TGFBR3: variants seen among roughly 807,000 people sequenced by gnomAD.
TGFBR3 encodes transforming growth factor beta receptor type 3.
Under a neutral mutation model 87.9 loss-of-function variants are expected in TGFBR3, and 46 were observed. The observed-to-expected ratio is 0.52, with a 90% CI of 0.41 to 0.67. The LOEUF is 0.67. TGFBR3 is among the 30% of genes least tolerant of loss of function. The pLI is 0.00. For synonymous variants in TGFBR3, 381 were observed against 391.6 expected (o/e 0.97, Z 0.32); for missense variants, 866 against 1,041.9 (o/e 0.83, Z 2.32).
intron 2 of TGFBR3, among the ~76,000 whole-genome samples, chr1:91,799,402 G>A (rs1330055253): frequency 5.9e-5 from 9 of 152,296 alleles, no homozygotes; most frequent in Admixed American, 5.2e-4. Flanking sequence ...AGCCCCTGGC[G>A]GGGTGCGGGG....
intron 2 of TGFBR3, among the ~76,000 whole-genome samples, chr1:91,801,263 C>T (rs941666712): frequency 1.3e-5 from 2 of 152,184 alleles, no homozygotes; most frequent in African/African-American, 4.8e-5. Context: ...TTGCCCCAGT[C>T]ACCCAAAGCT....
chr1:91,735,388 C>G (rs575055372), intron 4 of TGFBR3, among the ~76,000 whole-genome samples: 1 of 152,192 alleles, frequency 6.6e-6, no homozygotes, highest in Non-Finnish European at 1.5e-5. Flanking sequence ...CAACTGATCA[C>G]GACTTTCAGG....
chr1:91,756,494 T>A (rs543691317), intron 4 of TGFBR3, among the ~76,000 whole-genome samples: 1 of 120,022 alleles, frequency 8.3e-6, no homozygotes, highest in African/African-American at 3.2e-5. Flanking sequence ...TAGTTCTTCA[T>A]CTATAAGAAA....
intron 2 of TGFBR3, among the ~76,000 whole-genome samples, chr1:91,891,811 G>A (rs538832724): frequency 5.3e-5 from 8 of 152,002 alleles, no homozygotes; most frequent in South Asian, 2.1e-4. Context: ...TTTCAGATTC[G>A]CTCATAAAGA....
In TGFBR3 at chr1:91,681,315, TAG is replaced by T. The variant is rs1452211186; in HGVS notation, c.*2422_*2423del. The T allele has an allele frequency of 2.2e-6, 1 of 445,424 alleles. No individual in the cohort carries two copies. Among genetic ancestry groups the T allele is most frequent in the East Asian group, 7.0e-5 (1 of 14,376 alleles). The allele number at this position is 445,424 out of a possible 1,614,324, so 27.6% of individuals were successfully genotyped here. On this transcript the variant is annotated 3_prime_UTR_variant, in exon 17 of 17. Coordinates refer to ENST00000212355, the MANE Select transcript of TGFBR3 (RefSeq NM_003243.5). ...CGACATTCACTCTCCAATATGAGAT[TAG>T]GTTTTATCGACACAGATTTCTTGAT...
rs1423884307 is a variant in TGFBR3, at chr1:91,681,843, C to T, written c.*1896G>A. 4.4e-6 allele frequency: 2 copies of T among 453,230 alleles called. No homozygotes were observed. Among genetic ancestry groups the T allele is most frequent in the East Asian group, 1.4e-4 (2 of 14,382 alleles). 28.1% of individuals were successfully genotyped at this position (453,230 alleles called of 1,614,324 possible). On this transcript the variant is annotated 3_prime_UTR_variant, in exon 17 of 17. Coordinates refer to ENST00000212355, the MANE Select transcript of TGFBR3 (RefSeq NM_003243.5). ...ATTCCACCGAAGGTTAGGCAAAGCG[C>T]AATATTTTCAAACACAGGTAGCGTA... is the stretch of plus-strand genomic sequence containing the variant.
At chr1:91,699,929 G>C (rs1027056967) in intron 14 of TGFBR3, among the ~76,000 whole-genome samples, 1 of 152,184 alleles carries the variant, frequency 6.6e-6, no homozygotes, top group East Asian at 1.9e-4. Flanking sequence ...ACCTATTTTT[G>C]TATGGCCCAT....
In TGFBR3 at chr1:91,721,936, TA is replaced by T. The variant is rs750827749; in HGVS notation, c.1075+18del. 19 of 1,610,908 alleles carry T rather than the reference TA, an allele frequency of 1.2e-5. No individual in the cohort carries two copies. The South Asian group carries it at 1.9e-4, about 16-fold the overall frequency. ...TTTGGGGGGTATTTTTTACATAACT[TA>T]AAAAACTTCTAACTTACCATTATTT... is the stretch of plus-strand genomic sequence containing the variant. On this transcript the variant is annotated intron_variant, in intron 8 of 16. Coordinates refer to ENST00000212355, the MANE Select transcript of TGFBR3 (RefSeq NM_003243.5).
intron 4 of TGFBR3, among the ~76,000 whole-genome samples, chr1:91,740,448 T>C (rs893259085): frequency 6.6e-6 from 1 of 151,590 alleles, no homozygotes; most frequent in Non-Finnish European, 1.5e-5. Context: ...CATTGCAACC[T>C]CCACCTCACG....
At chr1:91,793,988 G>A (rs940577876) in intron 3 of TGFBR3, among the ~76,000 whole-genome samples, 12 of 152,096 alleles carry the variant, frequency 7.9e-5, no homozygotes, top group Admixed American at 6.6e-4. Context: ...TAAGTTGAAG[G>A]AGTAAGCAAT....
chr1:91,741,087 C>A (rs184335273), intron 4 of TGFBR3, among the ~76,000 whole-genome samples: 1 of 152,094 alleles, frequency 6.6e-6, no homozygotes, highest in Non-Finnish European at 1.5e-5. Context: ...CTGTGTATTT[C>A]GATGTAATTC....
chr1:91,792,863 T>TG (rs1276424321), intron 3 of TGFBR3, among the ~76,000 whole-genome samples: 2 of 152,228 alleles, frequency 1.3e-5, no homozygotes, highest in African/African-American at 4.8e-5. Flanking sequence ...TTTATGCTCT[T>TG]CTGCTGTCCT....
At chr1:91,716,085 G>A (rs1228132396) in intron 12 of TGFBR3, 151 bp downstream of exon 12, 7 of 886,544 alleles carry the variant, frequency 7.9e-6, no homozygotes, top group Admixed American at 6.9e-5. Flanking sequence ...AAGTCAGTCT[G>A]GAAGCGTTCT....
chr1:91,837,185 T>C (rs570412887), intron 2 of TGFBR3, among the ~76,000 whole-genome samples: 6 of 152,108 alleles, frequency 3.9e-5, no homozygotes, highest in African/African-American at 1.4e-4. Context: ...AGAACCAAAA[T>C]AACAAATTAA....
intron 2 of TGFBR3, among the ~76,000 whole-genome samples, chr1:91,806,851 G>A (rs1040260596): frequency 6.6e-6 from 1 of 152,112 alleles, no homozygotes; most frequent in African/African-American, 2.4e-5. Context: ...TGTGGGACTG[G>A]GTACTACAGG....
At chr1:91,852,378 G>A (rs998826355) in intron 2 of TGFBR3, among the ~76,000 whole-genome samples, 4 of 152,162 alleles carry the variant, frequency 2.6e-5, no homozygotes, top group African/African-American at 4.8e-5. Context: ...CTCAACTCCC[G>A]TGTGTGTGTA....
intron 4 of TGFBR3, among the ~76,000 whole-genome samples, chr1:91,744,306 G>A (rs1411182004): frequency 6.6e-6 from 1 of 151,922 alleles, no homozygotes; most frequent in Admixed American, 6.6e-5. Context: ...GGCTGGTCTC[G>A]AACTCCTGAC....
chr1:91,681,628 G>C lies in TGFBR3; in HGVS notation c.*2111C>G, dbSNP rs994874540. The C allele has an allele frequency of 2.3e-6, 1 of 438,284 alleles. No individual in the cohort carries two copies. Among genetic ancestry groups the C allele is most frequent in the Non-Finnish European group, 4.5e-6 (1 of 222,518 alleles). The allele number at this position is 438,284 out of a possible 1,614,324, so 27.1% of individuals were successfully genotyped here. A position where few individuals can be genotyped will look rare whatever the true frequency, so the allele number is the denominator to read the frequency against. On this transcript the variant is annotated 3_prime_UTR_variant, in exon 17 of 17. Coordinates refer to ENST00000212355, the MANE Select transcript of TGFBR3 (RefSeq NM_003243.5). ...AGATTTTTTAAAAAAGCAAAGGACT[G>C]ATCGAAAGAATTCACAGTAGCTGAA...
chr1:91,773,364 T>C (rs898892322), intron 3 of TGFBR3, among the ~76,000 whole-genome samples: 4 of 152,016 alleles, frequency 2.6e-5, no homozygotes, highest in South Asian at 2.1e-4. Context: ...CAGCAACTAA[T>C]AGAGTCAGTA....
Sources: gnomAD v4.1 joint callset for allele counts (sites outside exome capture counted in the v4.1 genomes callset) on GRCh38, gnomAD v4.1.1 for gene constraint, MANE v1.5 for transcripts, NCBI Gene and HGNC (gene_info 2026-07-23, HGNC 2026-07-21) for gene names.